Variants in PCGF6 observed in about 807,000 individuals in gnomAD.
The protein encoded by PCGF6 is polycomb group RING finger protein 6.
PCGF6 carries 24 observed loss-of-function variants against 45.5 expected under a neutral mutation model. The observed-to-expected ratio is 0.53, with a 90% confidence interval of 0.38 to 0.74. The LOEUF (loss-of-function observed/expected upper bound fraction) is 0.74. PCGF6 is among the 30% of genes least tolerant of loss of function. The pLI is 0.00. For synonymous variants in PCGF6, 152 were observed against 162.1 expected, an observed-to-expected ratio of 0.94 and a Z score of 0.47; for missense variants, 356 against 443.2, an observed-to-expected ratio of 0.80 and a Z score of 1.77.
intron 9 of PCGF6, among the ~76,000 whole-genome samples, chr10:103,311,166 G>A (rs1007858848): frequency 6.6e-6 from 1 of 152,190 alleles, no homozygotes; most frequent in East Asian, 1.9e-4. Flanking sequence ...TTTTGAAACC[G>A]AGTCTTGCTC....
intron 9 of PCGF6, among the ~76,000 whole-genome samples, chr10:103,304,758 C>T (rs61869822): frequency 8.0e-4 from 122 of 151,640 alleles, no homozygotes; most frequent in Non-Finnish European, 1.3e-3. Flanking sequence ...TGGGCTCAAG[C>T]GATCCTCCCA....
At chr10:103,308,072 T>A (rs1346699354) in intron 9 of PCGF6, among the ~76,000 whole-genome samples, 1 of 152,108 alleles carries the variant, frequency 6.6e-6, no homozygotes, top group Non-Finnish European at 1.5e-5. Context: ...CCTGCTGTAG[T>A]GGCAGAGCCC....
intron 7 of PCGF6, among the ~76,000 whole-genome samples, chr10:103,328,703 G>T (rs2093228262): frequency 6.6e-6 from 1 of 152,136 alleles, no homozygotes; most frequent in African/African-American, 2.4e-5. Flanking sequence ...TTGTCTCTAA[G>T]ATTATTTGCA....
chr10:103,325,399 G>A (rs2093214430), intron 8 of PCGF6, among the ~76,000 whole-genome samples: 1 of 151,898 alleles, frequency 6.6e-6, no homozygotes. Context: ...GATTACAGGT[G>A]TGTGCCAACA....
intron 9 of PCGF6, 59 bp from the exon 10 acceptor site, chr10:103,304,020 A>T: frequency 7.1e-7 from 1 of 1,407,852 alleles, no homozygotes; most frequent in Admixed American, 1.7e-5. Flanking sequence ...AATGCAAATG[A>T]TCAAGTCAAA....
intron 6 of PCGF6, among the ~76,000 whole-genome samples, chr10:103,342,345 C>T (rs575498477): frequency 1.3e-5 from 2 of 151,914 alleles, no homozygotes; most frequent in East Asian, 1.9e-4. Flanking sequence ...GTAATTCTCC[C>T]GCCTCAGCCT....
chr10:103,317,656 T>A lies in PCGF6; in HGVS notation c.910-3384A>T, dbSNP rs926792154. Among the ~76,000 whole-genome samples, 38 of 151,384 alleles carry A rather than the reference T, an allele frequency of 2.5e-4. 1 individual carries two copies. The highest frequency in any genetic ancestry group is 8.7e-4 in the African/African-American group (36 of 41,210). On this transcript the variant is annotated intron_variant, in intron 8 of 9. Transcript: ENST00000369847. Reference sequence around the variant, plus strand: ...CCTCATCTCAAAATAAATAAATAAATAAAAAGACAGGTATATAGTAACAAA... The same window carrying A: ...CCTCATCTCAAAATAAATAAATAAAAAAAAAGACAGGTATATAGTAACAAA...
At chr10:103,330,916 G>A (rs763209635) in intron 7 of PCGF6, among the ~76,000 whole-genome samples, 16 of 152,082 alleles carry the variant, frequency 1.1e-4, no homozygotes, top group African/African-American at 3.6e-4. Context: ...GTGACAGAGC[G>A]AGACTCCATC....
intron 8 of PCGF6, among the ~76,000 whole-genome samples, chr10:103,315,997 TATATATATATATATATAGAG>T (rs912072545): frequency 1.2e-4 from 7 of 58,522 alleles, no homozygotes; most frequent in Non-Finnish European, 2.7e-4. Flanking sequence ...TGTGTGTGTA[TATATATATATATATATAGAG>T]AGAGAGAGAG....
At chr10:103,321,449 C>G (rs1026221217) in intron 8 of PCGF6, among the ~76,000 whole-genome samples, 1 of 152,136 alleles carries the variant, frequency 6.6e-6, no homozygotes, top group Non-Finnish European at 1.5e-5. Flanking sequence ...CGCGGTGGCT[C>G]ATGCCTGTAA....
chr10:103,336,776 G>A (rs985389610), intron 6 of PCGF6, among the ~76,000 whole-genome samples: 3 of 152,166 alleles, frequency 2.0e-5, no homozygotes, highest in Non-Finnish European at 4.4e-5. Context: ...TCGAGAGGCT[G>A]AGGCAGGAGA....
rs2093128004 is a variant in PCGF6 at position 103,303,872 on chromosome 10, T to C, written c.*33A>G. 1 of 1,574,176 alleles carries C rather than the reference T, an allele frequency of 6.4e-7. No individual in the cohort carries two copies. Among genetic ancestry groups the C allele is most frequent in the Non-Finnish European group, 8.7e-7 (1 of 1,146,480 alleles). On this transcript the variant is annotated 3_prime_UTR_variant, in exon 10 of 10. Coordinates refer to ENST00000369847, the MANE Select transcript of PCGF6 (RefSeq NM_001011663.2). ...GAGATGCAGTCCTGCAGAAGCCTCC[T>C]TTGTTTCCCTCCTCATAATGTGCCT... is the stretch of plus-strand genomic sequence containing the variant.
chr10:103,347,588 T>C, intron 3 of PCGF6, 138 bp from the exon 4 acceptor site: 2 of 659,600 alleles, frequency 3.0e-6, no homozygotes, highest in Non-Finnish European at 5.3e-6. Flanking sequence ...GCATTTACAG[T>C]TCCTAAAATA....
chr10:103,316,715 T>C (rs1033301222), intron 8 of PCGF6, among the ~76,000 whole-genome samples: 13 of 152,170 alleles, frequency 8.5e-5, no homozygotes, highest in Admixed American at 2.6e-4. Context: ...AATTCAGCTG[T>C]TATAGCACAA....
chr10:103,330,674 T>C (rs1172111690), intron 7 of PCGF6, among the ~76,000 whole-genome samples: 1 of 151,870 alleles, frequency 6.6e-6, no homozygotes, highest in Non-Finnish European at 1.5e-5. Context: ...ACGCCTGTAA[T>C]CCCAGCACTT....
At chr10:103,324,417 T>C (rs1381095220) in intron 8 of PCGF6, among the ~76,000 whole-genome samples, 1 of 151,896 alleles carries the variant, frequency 6.6e-6, no homozygotes, top group Non-Finnish European at 1.5e-5. Context: ...TATTTTACTT[T>C]TATGTTCAAT....
At chr10:103,342,586 C>A (rs779026015) in intron 6 of PCGF6, among the ~76,000 whole-genome samples, 3 of 152,076 alleles carry the variant, frequency 2.0e-5, no homozygotes, top group African/African-American at 7.2e-5. Context: ...AAAAAGTATA[C>A]GTGTACTTGC....
rs556891726 is a variant in PCGF6 at position 103,339,054 on chromosome 10, A to T, written c.783-5102T>A. ...AGACTAAAACTCCCCTTGTCCTGTCATGAAAACAGTTTCCTACAGGTTACC... is the reference window on the plus strand; with the variant it reads ...AGACTAAAACTCCCCTTGTCCTGTCTTGAAAACAGTTTCCTACAGGTTACC... On this transcript the variant is annotated intron_variant, in intron 6 of 9. Coordinates refer to ENST00000369847, the MANE Select transcript of PCGF6 (RefSeq NM_001011663.2). 4.6e-5 allele frequency among the ~76,000 whole-genome samples: 7 copies of T among 152,280 alleles called. No individual in the cohort carries two copies. The East Asian group carries it at 1.2e-3, about 25-fold the overall frequency.
intron 6 of PCGF6, among the ~76,000 whole-genome samples, chr10:103,342,961 C>T (rs2093286368): frequency 1.3e-5 from 2 of 151,952 alleles, no homozygotes; most frequent in African/African-American, 4.8e-5. Flanking sequence ...GAGACGGAGT[C>T]TCTGCCGCCC....
Sources: gnomAD v4.1 joint callset for allele counts (sites outside exome capture counted in the v4.1 genomes callset) on GRCh38, gnomAD v4.1.1 for gene constraint, MANE v1.5 for transcripts, NCBI Gene and HGNC (gene_info 2026-07-23, HGNC 2026-07-21) for gene names.